The following PIGL variants were observed in gnomAD, a reference collection of about 807,000 sequenced individuals.
PIGL encodes N-acetylglucosaminyl-phosphatidylinositol de-N-acetylase.
A neutral mutation model predicts 31.1 loss-of-function variants in PIGL; 22 were observed. The ratio of observed to expected loss-of-function variants is 0.71; its 90% CI spans 0.51 to 1.01. PIGL has a LOEUF of 1.01. PIGL is among the 50% of genes least tolerant of loss of function. The probability of loss-of-function intolerance (pLI) is 0.00; values close to 1 mark genes in which losing one functional copy is unlikely to be tolerated. For missense variants in PIGL, 302 were observed against 315.9 expected, an observed-to-expected ratio of 0.96 and a Z score of 0.33; for synonymous variants, 131 against 117.4, an observed-to-expected ratio of 1.12 and a Z score of -0.75.
intron 1 of PIGL, 169 bp downstream of exon 1, chr17:16,217,630 C>CACG: frequency 3.7e-6 from 2 of 540,658 alleles, no homozygotes; most frequent in Admixed American, 3.5e-5. Context: ...GGCCGGCTTA[C>CACG]CTGGTGGGTT....
chr17:16,274,113 GCTAA>G (rs1322372866), intron 2 of PIGL, among the ~76,000 whole-genome samples: 2 of 152,202 alleles, frequency 1.3e-5, no homozygotes, highest in African/African-American at 4.8e-5. Flanking sequence ...GTGCTCTGAA[GCTAA>G]CTGTCACAAA....
rs574186391 is a variant in PIGL at position 16,266,415 on chromosome 17, A to G, written c.335+32345A>G. Among the ~76,000 whole-genome samples the G allele has an allele frequency of 3.3e-5, 5 of 150,858 alleles. No individual in the cohort carries two copies. The East Asian group carries it at 7.8e-4, about 24-fold the overall frequency. Reference sequence around the variant, plus strand: ...AAAAAAAAAAAAAAAAAAAGAATGAATATCTTCTATTACTTCATTTATTGT... The same window carrying G: ...AAAAAAAAAAAAAAAAAAAGAATGAGTATCTTCTATTACTTCATTTATTGT... On this transcript the variant is annotated intron_variant, in intron 2 of 6. Transcript: ENST00000225609.
At chr17:16,301,544 G>A (rs1193142141) in intron 3 of PIGL, among the ~76,000 whole-genome samples, 3 of 147,864 alleles carry the variant, frequency 2.0e-5, no homozygotes, top group Admixed American at 6.8e-5. Flanking sequence ...TTACAGGCAT[G>A]AGCTACCACA....
At chr17:16,322,341 C>T (rs542534210) in intron 6 of PIGL, among the ~76,000 whole-genome samples, 1 of 152,136 alleles carries the variant, frequency 6.6e-6, no homozygotes, top group African/African-American at 2.4e-5. Flanking sequence ...GTGATCCACC[C>T]GGCTTGGCCT....
At chr17:16,254,627 T>TA in intron 2 of PIGL, among the ~76,000 whole-genome samples, 1 of 151,450 alleles carries the variant, frequency 6.6e-6, no homozygotes. Flanking sequence ...TTTTTTGAGA[T>TA]AGAGTCTTGC....
At chr17:16,298,015 C>T (rs1187887653) in intron 2 of PIGL, among the ~76,000 whole-genome samples, 2 of 152,166 alleles carry the variant, frequency 1.3e-5, no homozygotes, top group South Asian at 4.2e-4. Context: ...TTTTGAACTC[C>T]GCGTGCGAGG....
At chr17:16,246,427 G>A (rs1194309737) in intron 2 of PIGL, among the ~76,000 whole-genome samples, 3 of 151,192 alleles carry the variant, frequency 2.0e-5, no homozygotes, top group South Asian at 2.1e-4. Context: ...CAGGAGAATC[G>A]CTTGAACCCG....
intron 1 of PIGL, among the ~76,000 whole-genome samples, chr17:16,226,195 T>TC (rs1156908301): frequency 6.6e-6 from 1 of 152,110 alleles, no homozygotes; most frequent in African/African-American, 2.4e-5. Flanking sequence ...ACCTTTTTTT[T>TC]CATGGTTTCA....
At chr17:16,264,445 C>G (rs536361699) in intron 2 of PIGL, among the ~76,000 whole-genome samples, 1 of 151,800 alleles carries the variant, frequency 6.6e-6, no homozygotes, top group East Asian at 1.9e-4. Context: ...CACACATGGC[C>G]TATATAAATT....
chr17:16,274,598 C>G (rs2092886142), intron 2 of PIGL, among the ~76,000 whole-genome samples: 1 of 151,698 alleles, frequency 6.6e-6, no homozygotes, highest in South Asian at 2.1e-4. Context: ...TGGCAGCCAC[C>G]TGTAATCTCA....
At chr17:16,306,522 CTT>C (rs34479966) in intron 3 of PIGL, among the ~76,000 whole-genome samples, 3 of 113,658 alleles carry the variant, frequency 2.6e-5, no homozygotes, top group African/African-American at 3.2e-5. Flanking sequence ...GTTATACGAT[CTT>C]TTTTTTTTTT....
At chr17:16,232,005 C>T (rs1163454170) in intron 1 of PIGL, among the ~76,000 whole-genome samples, 1 of 152,030 alleles carries the variant, frequency 6.6e-6, no homozygotes, top group Non-Finnish European at 1.5e-5. Context: ...TGGCTGAGCA[C>T]TGTGGCTCAC....
intron 2 of PIGL, among the ~76,000 whole-genome samples, chr17:16,269,554 G>C (rs1421480403): frequency 6.6e-6 from 1 of 151,100 alleles, no homozygotes; most frequent in Non-Finnish European, 1.5e-5. Context: ...GGGAGGCTGA[G>C]GTAGGAGAAT....
intron 2 of PIGL, among the ~76,000 whole-genome samples, chr17:16,294,445 A>T (rs1239443707): frequency 6.6e-6 from 1 of 151,866 alleles, no homozygotes; most frequent in Non-Finnish European, 1.5e-5. Context: ...TGGTGCCCCC[A>T]TGTCCCCCAG....
chr17:16,265,830 C>T (rs758298664), intron 2 of PIGL, among the ~76,000 whole-genome samples: 6 of 151,914 alleles, frequency 3.9e-5, no homozygotes, highest in African/African-American at 7.3e-5. Flanking sequence ...CTTCAGACCC[C>T]GCATTTCCCC....
chr17:16,324,718 A>C (rs756241371), intron 6 of PIGL, among the ~76,000 whole-genome samples: 7 of 152,196 alleles, frequency 4.6e-5, no homozygotes, highest in Non-Finnish European at 8.8e-5. Flanking sequence ...GTTTGTGAAG[A>C]TATTAGCTTA....
intron 2 of PIGL, among the ~76,000 whole-genome samples, chr17:16,240,641 C>T (rs2092718781): frequency 6.6e-6 from 1 of 151,916 alleles, no homozygotes; most frequent in African/African-American, 2.4e-5. Flanking sequence ...ACTGGGACCA[C>T]AGGCATGCAC....
intron 1 of PIGL, chr17:16,218,145 T>C (rs562298150): frequency 6.6e-6 from 1 of 152,378 alleles, no homozygotes; most frequent in African/African-American, 2.4e-5. Context: ...AATTGAATTG[T>C]ACACATACAA....
At chr17:16,290,666 G>A (rs952509429) in intron 2 of PIGL, among the ~76,000 whole-genome samples, 1 of 152,146 alleles carries the variant, frequency 6.6e-6, no homozygotes, top group Non-Finnish European at 1.5e-5. Flanking sequence ...TTACAGGCAT[G>A]AGCTACTGCG....
Sources: gnomAD v4.1 joint callset for allele counts (sites outside exome capture counted in the v4.1 genomes callset) on GRCh38, gnomAD v4.1.1 for gene constraint, MANE v1.5 for transcripts, NCBI Gene and HGNC (gene_info 2026-07-23, HGNC 2026-07-21) for gene names.